KCNH8: variants seen among roughly 807,000 people sequenced by gnomAD.
KCNH8 encodes the protein voltage-gated delayed rectifier potassium channel KCNH8.
Under a neutral mutation model 103.6 loss-of-function variants are expected in KCNH8, and 70 were observed. That is an observed-to-expected ratio of 0.68 (90% CI 0.56 to 0.82). KCNH8 has a LOEUF of 0.82. Among genes scored for constraint, KCNH8 ranks in the 40% least tolerant of loss-of-function variants. KCNH8 has a pLI of 0.00. For synonymous variants in KCNH8, 498 were observed against 489.4 expected (o/e 1.02, Z -0.23); for missense variants, 1,217 against 1,329.9 (o/e 0.92, Z 1.32).
intron 8 of KCNH8, among the ~76,000 whole-genome samples, chr3:19,443,787 A>C (rs1390528205): frequency 6.6e-6 from 1 of 152,054 alleles, no homozygotes; most frequent in Non-Finnish European, 1.5e-5. Context: ...TTAGAAATAA[A>C]ATATAAAAAA....
At chr3:19,479,298 G>C (rs988255702) in intron 11 of KCNH8, among the ~76,000 whole-genome samples, 1 of 152,110 alleles carries the variant, frequency 6.6e-6, no homozygotes, top group African/African-American at 2.4e-5. Context: ...CATTTACCTA[G>C]TGGAAAAGAA....
chr3:19,513,026 TGAGGAAGAG>T lies in KCNH8; in HGVS notation c.2142_2150del (p.Glu716_Glu718del), dbSNP rs1559366138. On this transcript the variant is annotated inframe_deletion, in exon 13 of 16. Coordinates refer to ENST00000328405, the MANE Select transcript of KCNH8 (RefSeq NM_144633.3). ...AGCGACTCCCATCCATTGTGGAAGATGAGGAAGAGGAGGAGGAGGGGGAGGAAGAGGAGG... is the reference window on the plus strand; with the variant it reads ...AGCGACTCCCATCCATTGTGGAAGATGAGGAGGAGGGGGAGGAAGAGGAGG... The T allele has an allele frequency of 1.2e-6, 2 of 1,613,494 alleles. No homozygotes were observed. Among genetic ancestry groups the T allele is most frequent in the South Asian group, 1.1e-5 (1 of 91,052 alleles).
intron 3 of KCNH8, 101 bp from the exon 4 acceptor site, chr3:19,342,485 GA>G: frequency 8.7e-7 from 1 of 1,153,494 alleles, no homozygotes; most frequent in Non-Finnish European, 1.2e-6. Flanking sequence ...GTAGGTATTG[GA>G]AAACATGTAC....
chr3:19,304,881 C>T (rs137998972), intron 3 of KCNH8, among the ~76,000 whole-genome samples: 1 of 152,084 alleles, frequency 6.6e-6, no homozygotes, highest in Non-Finnish European at 1.5e-5. Flanking sequence ...TGAAAAGCCA[C>T]ATGTTGCTAG....
Position 19,465,511 on chromosome 3 carries a change from T to C in KCNH8, c.2040+8529T>C, listed in dbSNP as rs191017456. Among the ~76,000 whole-genome samples, 323 of 152,260 alleles carry C rather than the reference T, an allele frequency of 2.1e-3. 3 individuals are homozygous for C. Among genetic ancestry groups the C allele is most frequent in the Admixed American group, 4.3e-3 (65 of 15,286 alleles). ...TGCAAGGATATTAATGCAGTTCTCA[T>C]GCCTGCTAACACAACATCTATTCTG... On this transcript the variant is annotated intron_variant, in intron 11 of 15. Coordinates refer to ENST00000328405, the MANE Select transcript of KCNH8 (RefSeq NM_144633.3).
intron 11 of KCNH8, among the ~76,000 whole-genome samples, chr3:19,505,654 T>C (rs1012877231): frequency 8.5e-5 from 13 of 152,120 alleles, no homozygotes; most frequent in African/African-American, 3.1e-4. Context: ...GATGTCTTTC[T>C]CTTTAGTATT....
At chr3:19,331,249 TTTTATTTATTTATTTATTTATTTA>T (rs71055062) in intron 3 of KCNH8, among the ~76,000 whole-genome samples, 3,464 of 144,592 alleles carry the variant, frequency 0.024, 70 homozygotes, top group Non-Finnish European at 0.036. Flanking sequence ...CTTTAATTAT[TTTTATTTATTTATTTATTTATTTA>T]TTTATTTATT....
intron 7 of KCNH8, among the ~76,000 whole-genome samples, chr3:19,415,555 C>G (rs2066851124): frequency 6.6e-6 from 1 of 151,814 alleles, no homozygotes; most frequent in Non-Finnish European, 1.5e-5. Flanking sequence ...TTGTTTTGTA[C>G]TTATTAATAA....
rs148176069 is a variant in KCNH8, at chr3:19,319,545, C to G, written c.443-23042C>G. Among the ~76,000 whole-genome samples the G allele has an allele frequency of 3.3e-5, 5 of 152,016 alleles. No individual in the cohort carries two copies. The East Asian group carries it at 9.7e-4, about 29-fold the overall frequency. The stretch of plus-strand genomic sequence containing the variant: ...CTATATGCCTATTTTTATATGAGTA[C>G]CAAGCTATTTTGGTGACTGTGGCCT... On this transcript the variant is annotated intron_variant, in intron 3 of 15. Transcript: ENST00000328405.
At chr3:19,343,947 C>A (rs1431391148) in intron 4 of KCNH8, among the ~76,000 whole-genome samples, 2 of 150,294 alleles carry the variant, frequency 1.3e-5, no homozygotes, top group Non-Finnish European at 2.9e-5. Flanking sequence ...CAACCATGTC[C>A]GTGCTGGTGT....
intron 1 of KCNH8, among the ~76,000 whole-genome samples, chr3:19,177,946 C>G (rs910039168): frequency 6.6e-6 from 1 of 152,018 alleles, no homozygotes; most frequent in African/African-American, 2.4e-5. Flanking sequence ...TTGAACATGT[C>G]ATTATATATT....
rs1559431297 is a variant in KCNH8 at position 19,226,584 on chromosome 3, T to TC, written c.77-27070_77-27069insC. 1.0e-3 allele frequency among the ~76,000 whole-genome samples: 154 copies of TC among 148,128 alleles called. 1 individual carries two copies. The highest frequency in any genetic ancestry group is 3.2e-3 in the African/African-American group (127 of 40,190). Reference sequence around the variant, plus strand: ...TCTCTCTCTCTGTTTCTTTCAGTCTTTCTCTCTCTCTCTCTCTGTCACACA... The same window carrying TC: ...TCTCTCTCTCTGTTTCTTTCAGTCTTCTCTCTCTCTCTCTCTCTGTCACACA... On this transcript the variant is annotated intron_variant, in intron 1 of 15. Coordinates refer to ENST00000328405, the MANE Select transcript of KCNH8 (RefSeq NM_144633.3).
intron 1 of KCNH8, among the ~76,000 whole-genome samples, chr3:19,171,022 A>C (rs1430200228): frequency 6.6e-6 from 1 of 151,574 alleles, no homozygotes; most frequent in Non-Finnish European, 1.5e-5. Context: ...CGTGGTCTGG[A>C]TCTCCTGACC....
chr3:19,495,455 G>A (rs1398349005), intron 11 of KCNH8, among the ~76,000 whole-genome samples: 6 of 151,264 alleles, frequency 4.0e-5, no homozygotes, highest in African/African-American at 9.7e-5. Context: ...CACTTATTGA[G>A]GAGGGAGTCC....
intron 11 of KCNH8, among the ~76,000 whole-genome samples, chr3:19,505,993 AGT>A (rs1317644804): frequency 6.6e-6 from 1 of 152,014 alleles, no homozygotes; most frequent in Non-Finnish European, 1.5e-5. Context: ...AAATTCTTGT[AGT>A]GTGTTTTTCA....
intron 5 of KCNH8, among the ~76,000 whole-genome samples, chr3:19,356,937 TTGG>T (rs1376266840): frequency 1.3e-5 from 2 of 151,994 alleles, no homozygotes; most frequent in African/African-American, 2.4e-5. Context: ...ATTTGTAATC[TTGG>T]TGGTGAAAAC....
intron 3 of KCNH8, among the ~76,000 whole-genome samples, chr3:19,290,921 G>A (rs183812873): frequency 5.3e-5 from 8 of 152,194 alleles, no homozygotes; most frequent in Non-Finnish European, 7.4e-5. Flanking sequence ...GAATTTCAGC[G>A]CCTGTTATTG....
chr3:19,277,581 G>A (rs1559455231), intron 2 of KCNH8, among the ~76,000 whole-genome samples: 1 of 152,058 alleles, frequency 6.6e-6, no homozygotes, highest in Non-Finnish European at 1.5e-5. Flanking sequence ...GGTAAACTAT[G>A]TATGTATGTT....
At chr3:19,312,037 G>A (rs1428696221) in intron 3 of KCNH8, among the ~76,000 whole-genome samples, 1 of 151,824 alleles carries the variant, frequency 6.6e-6, no homozygotes, top group Non-Finnish European at 1.5e-5. Context: ...CTTCCGCAGT[G>A]TTTTGCACTT....
Sources: gnomAD v4.1 joint callset for allele counts (sites outside exome capture counted in the v4.1 genomes callset) on GRCh38, gnomAD v4.1.1 for gene constraint, MANE v1.5 for transcripts, NCBI Gene and HGNC (gene_info 2026-07-23, HGNC 2026-07-21) for gene names.